NTN1: variants seen among roughly 807,000 people sequenced by gnomAD.
NTN1 encodes the protein netrin 1, also known as netrin-1.
In NTN1, 11 loss-of-function variants were observed where a neutral mutation model predicts 54.2. That is an observed-to-expected ratio of 0.20 (90% CI 0.13 to 0.34). The LOEUF is 0.34. Among genes scored for constraint, NTN1 ranks in the 10% least tolerant of loss-of-function variants. NTN1 has a pLI of 1.00. For missense variants in NTN1, 740 were observed against 893.1 expected, an observed-to-expected ratio of 0.83 and a Z score of 2.18; for synonymous variants, 371 against 382.0, an observed-to-expected ratio of 0.97 and a Z score of 0.33.
chr17:9,071,655 T>A (rs2092032405), intron 2 of NTN1, among the ~76,000 whole-genome samples: 2 of 152,210 alleles, frequency 1.3e-5, no homozygotes, highest in African/African-American at 4.8e-5. Context: ...TGCCTGCCCA[T>A]GGGCGGGAGA....
At chr17:9,145,318 A>G (rs926229456) in intron 2 of NTN1, among the ~76,000 whole-genome samples, 5 of 152,218 alleles carry the variant, frequency 3.3e-5, no homozygotes, top group African/African-American at 1.2e-4. Context: ...ATTTTAGGGT[A>G]AGAAAAAACA....
Position 9,239,982 on chromosome 17 carries a change from G to A in NTN1, c.*14G>A, listed in dbSNP as rs1906137763. ...AAGAAGGCCTAGCGCCGAGGCAGCGGGCGGGCGGGCGGGCGGGCGCCAGGG... is the reference window on the plus strand; with the variant it reads ...AAGAAGGCCTAGCGCCGAGGCAGCGAGCGGGCGGGCGGGCGGGCGCCAGGG... On this transcript the variant is annotated 3_prime_UTR_variant, in exon 7 of 7. Transcript: ENST00000173229. This position sits in a 1 kb window ranked among gnomAD's most constrained non-coding sequence, Gnocchi z 5.2. The A allele has an allele frequency of 4.7e-6, 6 of 1,266,606 alleles. No individual in the cohort carries two copies. Among genetic ancestry groups the A allele is most frequent in the Non-Finnish European group, 6.0e-6 (6 of 992,804 alleles). The allele number at this position is 1,266,606 out of a possible 1,614,324, so 78.5% of individuals were successfully genotyped here.
intron 5 of NTN1, among the ~76,000 whole-genome samples, chr17:9,186,338 C>A (rs183170339): frequency 6.6e-6 from 1 of 152,348 alleles, no homozygotes; most frequent in East Asian, 1.9e-4. Flanking sequence ...GCAAAGAGGT[C>A]CAGAGGCAAG....
chr17:9,234,699 C>CAA (rs1237303328), intron 6 of NTN1, among the ~76,000 whole-genome samples: 1 of 152,200 alleles, frequency 6.6e-6, no homozygotes, highest in Admixed American at 6.5e-5. Flanking sequence ...CTGGGGGCAG[C>CAA]AAGGCTCGAG....
chr17:9,176,763 C>A (rs1236940649), intron 3 of NTN1: 4 of 152,192 alleles, frequency 2.6e-5, no homozygotes, highest in African/African-American at 9.7e-5. Flanking sequence ...TTTCTCCTTG[C>A]AGAACAAGAA....
intron 6 of NTN1, among the ~76,000 whole-genome samples, chr17:9,234,135 C>T (rs1428100335): frequency 6.6e-5 from 10 of 152,198 alleles, no homozygotes; most frequent in Non-Finnish European, 1.3e-4. Flanking sequence ...TCCTGTGGGG[C>T]GGAGGAAGGT....
chr17:9,183,049 T>C, intron 5 of NTN1, 80 bp downstream of exon 5: 1 of 1,453,316 alleles, frequency 6.9e-7, no homozygotes, highest in Non-Finnish European at 9.7e-7. Context: ...GGAAGGGGCA[T>C]TGGAAAGCCC....
At position 9,162,873 on chromosome 17, in the gene NTN1, C is replaced by T. The variant is rs1567725426; in HGVS notation, c.1079C>T (p.Ser360Leu). The part of the protein sequence containing the change: ...CRFNMELYKL[S>L]GRKSGGVCLN... The stretch of plus-strand genomic sequence containing the variant: ...TTCAACATGGAGCTCTACAAGCTTT[C>T]GGGGCGCAAGAGCGGAGGTGTCTGC... The change falls in exon 3 of 7, where the codon TCG becomes TTG. Residue 360 changes from serine to leucine, a missense_variant. Ser to Leu is a moderately radical substitution (Grantham distance 145). Coordinates refer to ENST00000173229, the MANE Select transcript of NTN1 (RefSeq NM_004822.3). The T allele has an allele frequency of 1.9e-6, 3 of 1,614,078 alleles. No individual in the cohort carries two copies. Among genetic ancestry groups the T allele is most frequent in the Middle Eastern group, 1.7e-4 (1 of 6,046 alleles).
rs2092360685 is a variant in NTN1 at position 9,162,679 on chromosome 17, G to C, written c.1019-134G>C. ...AGGAGGAGCCGAGGAGGAGCTCCTG[G>C]AGCACAAGTCTGCCTGCCTGGCTCT... is the stretch of plus-strand genomic sequence containing the variant. On this transcript the variant is annotated intron_variant, in intron 2 of 6. Transcript: ENST00000173229. The C allele has an allele frequency of 5.0e-6, 4 of 803,518 alleles. No individual in the cohort carries two copies. The South Asian group carries it at 6.7e-5, about 13-fold the overall frequency. The allele number at this position is 803,518 out of a possible 1,614,324, so 49.8% of individuals were successfully genotyped here.
At chr17:9,070,643 G>A (rs891953406) in intron 2 of NTN1, among the ~76,000 whole-genome samples, 4 of 152,196 alleles carry the variant, frequency 2.6e-5, no homozygotes, top group Non-Finnish European at 5.9e-5. Flanking sequence ...CCAGGCTGGA[G>A]TGCAATGTTG....
chr17:9,105,018 G>A (rs928449641), intron 2 of NTN1, among the ~76,000 whole-genome samples: 2 of 152,162 alleles, frequency 1.3e-5, no homozygotes. Context: ...GGGTCTCACC[G>A]TGGGAGCAGG....
chr17:9,201,139 G>A (rs78016007), intron 5 of NTN1, among the ~76,000 whole-genome samples: 2,061 of 152,334 alleles, frequency 0.014, 41 homozygotes, highest in African/African-American at 0.047. Context: ...TTTGCATCTT[G>A]AAGAAGGCGT....
intron 3 of NTN1, among the ~76,000 whole-genome samples, chr17:9,164,519 C>T (rs1245457694): frequency 1.3e-5 from 2 of 151,842 alleles, no homozygotes; most frequent in Non-Finnish European, 2.9e-5. Context: ...AATTTTGAAA[C>T]AAGGACAGCA....
chr17:9,023,256 G>T lies in NTN1; in HGVS notation c.883G>T (p.Val295Leu), dbSNP rs577333476. The T allele has an allele frequency of 1.9e-6, 3 of 1,563,700 alleles. No individual in the cohort carries two copies. The African/African-American group carries it at 4.1e-5, about 21-fold the overall frequency. The part of the protein sequence containing the change: ...CKCNGHAARC[V>L]RDRDDSLVCD... ...GTGCAACGGCCACGCGGCCCGCTGC[G>T]TGCGCGACCGCGACGACAGCCTGGT... Residue 295 changes from valine (V) to leucine (L), a missense_variant, in exon 2 of 7, where the codon GTG (valine) becomes TTG (leucine). By Grantham distance (32) the Val-to-Leu change is conservative. Transcript: ENST00000173229.
At chr17:9,038,901 T>C (rs1168584703) in intron 2 of NTN1, among the ~76,000 whole-genome samples, 1 of 152,334 alleles carries the variant, frequency 6.6e-6, no homozygotes, top group South Asian at 2.1e-4. Context: ...AAGTAATATA[T>C]TTTAATCTTT....
chr17:9,238,924 G>T (rs1367613475), intron 6 of NTN1, among the ~76,000 whole-genome samples: 2 of 152,200 alleles, frequency 1.3e-5, no homozygotes, highest in Non-Finnish European at 2.9e-5. Flanking sequence ...GCCGGCCAGG[G>T]GATTCTGATG....
At chr17:9,159,479 C>T (rs2092351579) in intron 2 of NTN1, among the ~76,000 whole-genome samples, 1 of 152,106 alleles carries the variant, frequency 6.6e-6, no homozygotes, top group South Asian at 2.1e-4. Flanking sequence ...TTCTTGAGGG[C>T]AGTTTGGCAA....
chr17:9,099,185 C>T (rs2092141393), intron 2 of NTN1, among the ~76,000 whole-genome samples: 1 of 152,214 alleles, frequency 6.6e-6, no homozygotes, highest in Non-Finnish European at 1.5e-5. Flanking sequence ...GGGTGGATCA[C>T]CTGAGGTCAG....
intron 6 of NTN1, among the ~76,000 whole-genome samples, chr17:9,235,750 CTTT>C (rs1163805143): frequency 1.8e-4 from 9 of 50,868 alleles, no homozygotes; most frequent in South Asian, 1.0e-3. Flanking sequence ...TTTTTTTTTT[CTTT>C]TTTTTTTTTT....
Sources: allele counts gnomAD v4.1 joint callset (sites outside exome capture counted in the v4.1 genomes callset), GRCh38; gene constraint gnomAD v4.1.1; non-coding constraint Gnocchi (gnomAD v3.1); transcripts MANE v1.5; gene names NCBI Gene and HGNC (gene_info 2026-07-23, HGNC 2026-07-21).